SCHIP1: variants seen among roughly 807,000 people sequenced by gnomAD.
The protein encoded by SCHIP1 is schwannomin-interacting protein 1.
In SCHIP1, 8 loss-of-function variants were observed where a neutral mutation model predicts 29.7. The observed-to-expected ratio is 0.27, with a 90% CI of 0.16 to 0.49. SCHIP1 has a LOEUF of 0.49. Among genes scored for constraint, SCHIP1 ranks in the 20% least tolerant of loss-of-function variants. SCHIP1 has a pLI of 0.99. For synonymous variants in SCHIP1, 76 were observed against 94.9 expected (o/e 0.80, Z 1.16); for missense variants, 193 against 294.6 (o/e 0.66, Z 2.52).
the SCHIP1 span, among the ~76,000 whole-genome samples, chr3:159,672,113 A>G: frequency 4.6e-5 from 7 of 152,360 alleles, no homozygotes; most frequent in Non-Finnish European, 8.8e-5. Flanking sequence ...TTGAAAAACT[A>G]TTAGTCATTA....
At chr3:159,582,787 TACACACACACAC>T in the SCHIP1 span, among the ~76,000 whole-genome samples, 17 of 144,236 alleles carry the variant, frequency 1.2e-4, no homozygotes, top group East Asian at 2.1e-4. Flanking sequence ...AATATATATA[TACACACACACAC>T]ACACACACAC....
intron 1 of SCHIP1, among the ~76,000 whole-genome samples, chr3:159,859,648 G>C (rs1404899142): frequency 6.6e-6 from 1 of 152,264 alleles, no homozygotes; most frequent in Non-Finnish European, 1.5e-5. Context: ...GGCCTTGGCA[G>C]AGGCCAGGCT....
At chr3:159,894,583 G>C (rs1717872611) in intron 6 of SCHIP1, 1 of 152,120 alleles carries the variant, frequency 6.6e-6, no homozygotes, top group Non-Finnish European at 1.5e-5. Flanking sequence ...TTTGTCTGCT[G>C]TCTCTCCCAA....
At chr3:159,458,586 T>C in the SCHIP1 span, among the ~76,000 whole-genome samples, 4 of 150,484 alleles carry the variant, frequency 2.7e-5, no homozygotes, top group African/African-American at 9.8e-5. Flanking sequence ...TTTAAAGGAG[T>C]TAATGGTTTG....
chr3:159,538,290 T>C, the SCHIP1 span, among the ~76,000 whole-genome samples: 17 of 152,248 alleles, frequency 1.1e-4, 1 homozygote, highest in Middle Eastern at 3.4e-3. Context: ...GAGAAAGCAA[T>C]ATTTGACTAA....
the SCHIP1 span, among the ~76,000 whole-genome samples, chr3:159,623,801 G>A: frequency 2.8e-5 from 4 of 144,990 alleles, no homozygotes; most frequent in South Asian, 8.4e-4. Flanking sequence ...TAAAACCCTA[G>A]GATCACATTT....
At chr3:159,467,865 T>G in the SCHIP1 span, among the ~76,000 whole-genome samples, 1 of 152,122 alleles carries the variant, frequency 6.6e-6, no homozygotes, top group Non-Finnish European at 1.5e-5. Flanking sequence ...AGAGAGGACC[T>G]GTGAACTAGT....
chr3:159,378,629 C>T, the SCHIP1 span, among the ~76,000 whole-genome samples: 1 of 152,196 alleles, frequency 6.6e-6, no homozygotes, highest in East Asian at 1.9e-4. Context: ...TCACACTTCA[C>T]TCTTTGAACT....
the SCHIP1 span, among the ~76,000 whole-genome samples, chr3:159,396,167 T>G: frequency 4.7e-5 from 7 of 147,470 alleles, no homozygotes; most frequent in Non-Finnish European, 1.0e-4. Context: ...GTTTTCCATT[T>G]GCTTGGTAGA....
chr3:159,843,212 C>A (rs1744439497), intron 1 of SCHIP1, among the ~76,000 whole-genome samples: 1 of 151,450 alleles, frequency 6.6e-6, no homozygotes, highest in African/African-American at 2.4e-5. Flanking sequence ...TGGCTTTCAC[C>A]ATGTTGGCCA....
At chr3:159,441,728 G>A in the SCHIP1 span, among the ~76,000 whole-genome samples, 1 of 152,174 alleles carries the variant, frequency 6.6e-6, no homozygotes, top group Non-Finnish European at 1.5e-5. Flanking sequence ...CAAGCATAGG[G>A]CCCTGGGACA....
At chr3:159,451,944 C>T in the SCHIP1 span, among the ~76,000 whole-genome samples, 4 of 152,042 alleles carry the variant, frequency 2.6e-5, no homozygotes, top group African/African-American at 9.7e-5. Flanking sequence ...AATAAATATA[C>T]TCTTTCCTTT....
At chr3:159,510,852 G>T in the SCHIP1 span, among the ~76,000 whole-genome samples, 5 of 152,314 alleles carry the variant, frequency 3.3e-5, no homozygotes, top group Non-Finnish European at 5.9e-5. Context: ...GGGGTACCCA[G>T]CTGTGTGATG....
chr3:159,644,670 C>T, the SCHIP1 span, among the ~76,000 whole-genome samples: 3 of 152,106 alleles, frequency 2.0e-5, no homozygotes, highest in African/African-American at 7.2e-5. Flanking sequence ...CACAACTCTG[C>T]ATATTGAATA....
the SCHIP1 span, among the ~76,000 whole-genome samples, chr3:159,341,422 A>C: frequency 6.6e-6 from 1 of 152,148 alleles, no homozygotes; most frequent in South Asian, 2.1e-4. Flanking sequence ...TGGTCCCCTT[A>C]CTTTGGGCAA....
At chr3:159,531,768 A>C in the SCHIP1 span, among the ~76,000 whole-genome samples, 2 of 152,230 alleles carry the variant, frequency 1.3e-5, no homozygotes, top group African/African-American at 4.8e-5. Flanking sequence ...CTATTTAACC[A>C]AACGTTAGAT....
chr3:159,821,795 C>T, the SCHIP1 span, among the ~76,000 whole-genome samples: 1 of 152,070 alleles, frequency 6.6e-6, no homozygotes, highest in Non-Finnish European at 1.5e-5. Context: ...TTGGCATATC[C>T]GAATTACCAG....
chr3:159,889,343 C>T (rs887867639), intron 5 of SCHIP1, among the ~76,000 whole-genome samples: 1 of 152,182 alleles, frequency 6.6e-6, no homozygotes, highest in Admixed American at 6.5e-5. Flanking sequence ...AAATTAGACA[C>T]ATTTCCTAGG....
chr3:159,446,886 G>T, the SCHIP1 span, among the ~76,000 whole-genome samples: 2 of 152,180 alleles, frequency 1.3e-5, no homozygotes, highest in African/African-American at 4.8e-5. Context: ...GCAGTGACAT[G>T]GGTTCTCCAT....
Sources: gnomAD v4.1 joint callset for allele counts (sites outside exome capture counted in the v4.1 genomes callset) on GRCh38, gnomAD v4.1.1 for gene constraint, MANE v1.5 for transcripts, NCBI Gene and HGNC (gene_info 2026-07-23, HGNC 2026-07-21) for gene names.